The following AOPEP variants were observed in gnomAD, a reference collection of about 807,000 sequenced individuals.
The protein encoded by AOPEP is aminopeptidase O (putative).
A neutral mutation model predicts 98.1 loss-of-function variants in AOPEP; 77 were observed. The ratio of observed to expected loss-of-function variants is 0.78; its 90% CI spans 0.65 to 0.95. AOPEP has a LOEUF of 0.95. AOPEP is among the 40% of genes least tolerant of loss of function. The pLI is 0.00. For missense variants in AOPEP, 1,024 were observed against 1,024.7 expected (o/e 1.00, Z 0.01); for synonymous variants, 346 against 365.3 (o/e 0.95, Z 0.60).
the AOPEP span, among the ~76,000 whole-genome samples, chr9:95,149,663 G>A: frequency 2.0e-5 from 3 of 152,150 alleles, no homozygotes; most frequent in East Asian, 5.8e-4. Context: ...ATTTTTAGTA[G>A]AGACAGGGTT....
chr9:94,808,186 C>T (rs1000441364), intron 5 of AOPEP, among the ~76,000 whole-genome samples: 1 of 152,040 alleles, frequency 6.6e-6, no homozygotes. Flanking sequence ...GCTACAGGTG[C>T]ACGCTGCTTC....
chr9:95,039,498 A>G (rs2065109563), intron 13 of AOPEP, among the ~76,000 whole-genome samples: 1 of 152,170 alleles, frequency 6.6e-6, no homozygotes, highest in Non-Finnish European at 1.5e-5. Flanking sequence ...CCGGAGCCCC[A>G]AGAGGTCCAG....
At chr9:94,925,488 C>T (rs1052608327) in intron 6 of AOPEP, among the ~76,000 whole-genome samples, 1 of 152,242 alleles carries the variant, frequency 6.6e-6, no homozygotes, top group African/African-American at 2.4e-5. Context: ...AGGCTGATTA[C>T]CCGGCTCACA....
intron 5 of AOPEP, among the ~76,000 whole-genome samples, chr9:94,823,066 G>A (rs1311066973): frequency 6.6e-6 from 1 of 151,806 alleles, no homozygotes; most frequent in African/African-American, 2.4e-5. Context: ...GCGCAATCTC[G>A]GCTCATCGCA....
chr9:94,802,897 T>C (rs1302989051), intron 5 of AOPEP, among the ~76,000 whole-genome samples: 1 of 152,130 alleles, frequency 6.6e-6, no homozygotes, highest in Non-Finnish European at 1.5e-5. Context: ...TGCTCTGTTT[T>C]TCCAAACTCT....
At chr9:94,969,342 G>A (rs1483547035) in intron 10 of AOPEP, among the ~76,000 whole-genome samples, 11 of 151,754 alleles carry the variant, frequency 7.2e-5, no homozygotes, top group Non-Finnish European at 1.6e-4. Flanking sequence ...GTTAAAATAC[G>A]CTCATTCCAA....
intron 1 of AOPEP, 44 bp from the exon 2 acceptor site, chr9:94,759,605 T>G: frequency 1.7e-6 from 1 of 585,066 alleles, no homozygotes; most frequent in Non-Finnish European, 3.0e-6. Flanking sequence ...AGCACTTAGG[T>G]CTTATTTGGA....
chr9:95,012,637 C>T (rs1433211176), intron 13 of AOPEP, among the ~76,000 whole-genome samples: 2 of 152,046 alleles, frequency 1.3e-5, no homozygotes, highest in Non-Finnish European at 2.9e-5. Flanking sequence ...CCATTGTTTC[C>T]ATTCATCTTG....
intron 1 of AOPEP, among the ~76,000 whole-genome samples, chr9:94,738,699 G>A (rs374816942): frequency 2.6e-5 from 4 of 151,430 alleles, no homozygotes; most frequent in Admixed American, 1.3e-4. Context: ...TCAGCCTCCC[G>A]AGTAGCTGGG....
intron 13 of AOPEP, among the ~76,000 whole-genome samples, chr9:95,017,636 C>G (rs541395654): frequency 3.9e-5 from 6 of 152,306 alleles, no homozygotes; most frequent in African/African-American, 1.2e-4. Context: ...CTCTTAATGA[C>G]TTTCTTGAGT....
At chr9:95,045,453 C>CAAA (rs2065772097) in intron 13 of AOPEP, among the ~76,000 whole-genome samples, 3 of 152,256 alleles carry the variant, frequency 2.0e-5, no homozygotes, top group African/African-American at 7.2e-5. Context: ...GGTGTGCTCC[C>CAAA]AGCTTTGGAG....
At chr9:94,806,344 T>A (rs1233515907) in intron 5 of AOPEP, among the ~76,000 whole-genome samples, 2 of 152,234 alleles carry the variant, frequency 1.3e-5, no homozygotes, top group Non-Finnish European at 2.9e-5. Flanking sequence ...AGATGTTGAA[T>A]GGGCATTTCT....
intron 4 of AOPEP, among the ~76,000 whole-genome samples, chr9:94,796,843 A>G (rs1177685849): frequency 6.6e-6 from 1 of 152,244 alleles, no homozygotes; most frequent in Non-Finnish European, 1.5e-5. Context: ...ACCTTCAGCC[A>G]CAGGGGAATC....
At position 94,750,747 on chromosome 9, in the gene AOPEP, CT is replaced by C. The variant is rs1279370955; in HGVS notation, c.-135-8898del. ...GGTCTGATGATTTTTCTTTTCTTTT[CT>C]TTTCTTTCTTTTTTTTTTTTTTTTG... On this transcript the variant is annotated intron_variant, in intron 1 of 16. Transcript: ENST00000375315. Among the ~76,000 whole-genome samples, 5 of 147,538 alleles carry C rather than the reference CT, an allele frequency of 3.4e-5. No individual in the cohort carries two copies. The East Asian group carries it at 8.0e-4, about 24-fold the overall frequency.
intron 3 of AOPEP, among the ~76,000 whole-genome samples, chr9:94,774,140 G>A (rs776955720): frequency 1.4e-4 from 21 of 151,622 alleles, no homozygotes; most frequent in Non-Finnish European, 2.4e-4. Context: ...GTGAAATCTC[G>A]TCTCTACTAA....
chr9:95,005,503 T>C, intron 12 of AOPEP, 39 bp from the exon 13 acceptor site: 6 of 1,579,372 alleles, frequency 3.8e-6, no homozygotes, highest in Non-Finnish European at 5.2e-6. Context: ...GTCAGGACCC[T>C]GTCGCCTTCT....
At position 95,060,499 on chromosome 9, in the gene AOPEP, T is replaced by A. The variant is rs575603132; in HGVS notation, c.2116-195T>A. ...AACGGGGCCAAAGCAGACCCCAGAATGTAGTGTCTTTGGGAATACAGACAA... is the reference window on the plus strand; with the variant it reads ...AACGGGGCCAAAGCAGACCCCAGAAAGTAGTGTCTTTGGGAATACAGACAA... On this transcript the variant is annotated intron_variant, in intron 13 of 16. Coordinates refer to ENST00000375315, the MANE Select transcript of AOPEP (RefSeq NM_001193329.3). Among the ~76,000 whole-genome samples the A allele has an allele frequency of 5.3e-5, 8 of 152,334 alleles. No homozygotes were observed. The East Asian group carries it at 1.5e-3, about 29-fold the overall frequency.
At chr9:95,049,903 T>C (rs949965244) in intron 13 of AOPEP, among the ~76,000 whole-genome samples, 7 of 152,164 alleles carry the variant, frequency 4.6e-5, no homozygotes, top group African/African-American at 1.7e-4. Context: ...GTACTTGAAA[T>C]TATGTAAGAG....
At chr9:95,080,310 G>T (rs770175841) in intron 14 of AOPEP, among the ~76,000 whole-genome samples, 2 of 152,104 alleles carry the variant, frequency 1.3e-5, no homozygotes, top group Non-Finnish European at 2.9e-5. Flanking sequence ...GGCGGATCAC[G>T]AGGTGAGGAG....
Sources: gnomAD v4.1 joint callset for allele counts (sites outside exome capture counted in the v4.1 genomes callset) on GRCh38, gnomAD v4.1.1 for gene constraint, MANE v1.5 for transcripts, NCBI Gene and HGNC (gene_info 2026-07-23, HGNC 2026-07-21) for gene names.